The following LCORL variants were observed in gnomAD, a reference collection of about 807,000 sequenced individuals.
LCORL encodes ligand dependent nuclear receptor corepressor like, also known as ligand-dependent nuclear receptor corepressor-like protein.
In LCORL, 41 loss-of-function variants were observed where a neutral mutation model predicts 141.8. The ratio of observed to expected loss-of-function variants is 0.29; its 90% CI spans 0.23 to 0.38. LCORL has a LOEUF of 0.38. LCORL is among the 10% of genes least tolerant of loss of function. LCORL has a pLI of 1.00. For missense variants in LCORL, 1,759 were observed against 2,035.0 expected (o/e 0.86, Z 2.61); for synonymous variants, 618 against 694.1 (o/e 0.89, Z 1.72).
At chr4:17,854,925 TTTATA>T (rs1039922361) in intron 7 of LCORL, among the ~76,000 whole-genome samples, 118 of 152,322 alleles carry the variant, frequency 7.7e-4, no homozygotes, top group African/African-American at 2.8e-3. Context: ...AGGAAAATTA[TTTATA>T]TTAACTTTGT....
intron 1 of LCORL, among the ~76,000 whole-genome samples, chr4:17,990,587 A>G (rs1719817566): frequency 6.6e-6 from 1 of 151,416 alleles, no homozygotes; most frequent in South Asian, 2.1e-4. Flanking sequence ...CACTAAGGGT[A>G]AACTTCATTA....
intron 2 of LCORL, among the ~76,000 whole-genome samples, chr4:17,967,591 CTTAT>C (rs1355137239): frequency 1.1e-4 from 17 of 152,124 alleles, no homozygotes; most frequent in African/African-American, 3.1e-4. Flanking sequence ...TACCTTTATA[CTTAT>C]TTACCACAAA....
At chr4:17,875,489 C>T (rs1433102307) in exon 7 of LCORL, 10 of 1,231,362 alleles carry the variant, frequency 8.1e-6, no homozygotes, top group African/African-American at 4.7e-5. Context: ...TGTTTAAAGA[C>T]ATAAGGTTGC....
chr4:17,842,532 C>G, exon 8 of LCORL: 1 of 619,796 alleles, frequency 1.6e-6, no homozygotes, highest in Admixed American at 3.0e-5. Context: ...TCTAAAATTC[C>G]ATCATCAAGA....
At chr4:17,988,812 C>G (rs780521839) in intron 1 of LCORL, among the ~76,000 whole-genome samples, 3 of 152,104 alleles carry the variant, frequency 2.0e-5, no homozygotes, top group Non-Finnish European at 2.9e-5. Context: ...TGGCGAAACC[C>G]TATCTCTACG....
Position 17,998,964 on chromosome 4 carries a change from C to CAAAAAAA in LCORL, c.154+22627_154+22633dup, listed in dbSNP as rs775544332. Among the ~76,000 whole-genome samples the CAAAAAAA allele has an allele frequency of 1.0e-3, 47 of 44,814 alleles. 1 individual carries two copies. The highest frequency in any genetic ancestry group is 7.6e-3 in the East Asian group (12 of 1,584). The allele number at this position is 44,814 out of a possible 152,430, so 29.4% of individuals were successfully genotyped here. A position where few individuals can be genotyped will look rare whatever the true frequency, so the allele number is the denominator to read the frequency against. ...TGGGTGACAGAGTGAGACCCTGTCT[C>CAAAAAAA]AAAAAAAAAAAAAAAAAAAAAATAT... On this transcript the variant is annotated intron_variant, in intron 1 of 7. Coordinates refer to ENST00000635767, the Ensembl canonical transcript of LCORL.
chr4:17,972,177 A>C (rs1716088899), intron 2 of LCORL, among the ~76,000 whole-genome samples: 1 of 151,806 alleles, frequency 6.6e-6, no homozygotes, highest in African/African-American at 2.4e-5. Flanking sequence ...ACTCAGTAAA[A>C]CTAGAAAAAA....
chr4:17,920,601 T>C (rs752725382), intron 4 of LCORL, among the ~76,000 whole-genome samples: 12 of 152,206 alleles, frequency 7.9e-5, no homozygotes, highest in African/African-American at 2.9e-4. Context: ...GTGATGCTAT[T>C]TGATGGCATT....
At chr4:17,952,607 G>C (rs1418753834) in intron 4 of LCORL, among the ~76,000 whole-genome samples, 1 of 151,942 alleles carries the variant, frequency 6.6e-6, no homozygotes, top group African/African-American at 2.4e-5. Flanking sequence ...AGTAGAGACG[G>C]GGTTTCACCG....
At chr4:17,965,599 T>C (rs1038493444) in intron 2 of LCORL, among the ~76,000 whole-genome samples, 8 of 152,156 alleles carry the variant, frequency 5.3e-5, no homozygotes, top group African/African-American at 1.9e-4. Context: ...ACCATGGATA[T>C]ATACTCTTAT....
rs578138542 is a variant in LCORL at position 18,001,390 on chromosome 4, G to A, written c.154+20208C>T. ...CAGTGCTCAAAGTAGAATGAAAAAC[G>A]GAAAGGCTAAGGCAGTACAGAGCAG... is the stretch of plus-strand genomic sequence containing the variant. On this transcript the variant is annotated intron_variant, in intron 1 of 7. Coordinates refer to ENST00000635767, the Ensembl canonical transcript of LCORL. Among the ~76,000 whole-genome samples, 7 of 152,234 alleles carry A rather than the reference G, an allele frequency of 4.6e-5. No individual in the cohort carries two copies. In the East Asian group the frequency reaches 7.7e-4, roughly 17 times the overall value.
chr4:17,893,533 C>T (rs1729424905), intron 5 of LCORL: 2 of 985,280 alleles, frequency 2.0e-6, no homozygotes, highest in Non-Finnish European at 2.4e-6. Context: ...GGTAGATATT[C>T]TTCAGAAAAT....
At chr4:17,938,003 C>CTTTTTTT in intron 4 of LCORL, among the ~76,000 whole-genome samples, 1 of 131,568 alleles carries the variant, frequency 7.6e-6, no homozygotes, top group Non-Finnish European at 1.6e-5. Context: ...TAAACAATTT[C>CTTTTTTT]TTTTTTTTTT....
chr4:17,929,456 T>G (rs906666860), intron 4 of LCORL, among the ~76,000 whole-genome samples: 2 of 152,152 alleles, frequency 1.3e-5, no homozygotes, highest in African/African-American at 4.8e-5. Context: ...AGTCCAAACA[T>G]AAACGCACTC....
At chr4:17,916,736 C>G (rs892473200) in intron 4 of LCORL, among the ~76,000 whole-genome samples, 1 of 150,766 alleles carries the variant, frequency 6.6e-6, no homozygotes, top group African/African-American at 2.4e-5. Context: ...CCTCCACCTC[C>G]CGGGCTCAAG....
Position 17,876,854 on chromosome 4 carries a change from CAA to C in LCORL, c.2134_2135del (p.Leu712ValfsTer3). 8.1e-7 allele frequency: 1 copy of C among 1,230,654 alleles called. No homozygotes were observed. The highest frequency in any genetic ancestry group is 1.6e-5 in the African/African-American group (1 of 64,402). The allele number at this position is 1,230,654 out of a possible 1,614,324, so 76.2% of individuals were successfully genotyped here. A position where few individuals can be genotyped will look rare whatever the true frequency, so the allele number is the denominator to read the frequency against. ...AGCTTTCTGAAAATTCATTAAAAGA[CAA>C]GTTAGTTTCTGAACTATGAAGAGGT... On this transcript the variant is annotated frameshift_variant, in exon 7 of 8. Coordinates refer to ENST00000635767, the Ensembl canonical transcript of LCORL. LOFTEE classifies it high-confidence loss of function.
At chr4:17,883,059 C>A in intron 6 of LCORL, 1 of 976,800 alleles carries the variant, frequency 1.0e-6, no homozygotes, top group Middle Eastern at 5.3e-4. Context: ...CCTTATAAAC[C>A]CCAACTTCTT....
intron 6 of LCORL, chr4:17,881,799 G>C (rs1727602488): frequency 1.0e-6 from 1 of 981,576 alleles, no homozygotes; most frequent in Middle Eastern, 5.2e-4. Context: ...GTATAAAGAG[G>C]TCAATAAAAT....
At chr4:17,959,203 T>C (rs749552037) in intron 4 of LCORL, among the ~76,000 whole-genome samples, 6 of 151,952 alleles carry the variant, frequency 3.9e-5, no homozygotes, top group Non-Finnish European at 7.4e-5. Context: ...GAAGAAAAAA[T>C]AGAAACCTAT....
Sources: gnomAD v4.1 joint callset for allele counts (sites outside exome capture counted in the v4.1 genomes callset) on GRCh38, gnomAD v4.1.1 for gene constraint, MANE v1.5 for transcripts, NCBI Gene and HGNC (gene_info 2026-07-23, HGNC 2026-07-21) for gene names.